SDK1: variants seen among roughly 807,000 people sequenced by gnomAD.
SDK1 encodes protein sidekick-1.
In SDK1, 157 loss-of-function variants were observed where a neutral mutation model predicts 245.5. The ratio of observed to expected loss-of-function variants is 0.64; its 90% CI spans 0.56 to 0.73. SDK1 has a LOEUF of 0.73. SDK1 is among the 30% of genes least tolerant of loss of function. The pLI is 0.00. For missense variants in SDK1, 3,583 were observed against 3,002.3 expected, an observed-to-expected ratio of 1.19 and a Z score of -4.52; for synonymous variants, 1,647 against 1,278.5, an observed-to-expected ratio of 1.29 and a Z score of -6.15.
intron 38 of SDK1, among the ~76,000 whole-genome samples, chr7:4,218,915 T>G (rs1168432824): frequency 2.6e-5 from 4 of 152,200 alleles, no homozygotes; most frequent in African/African-American, 9.6e-5. Flanking sequence ...TGCATCATTT[T>G]CAAACTTGTT....
intron 44 of SDK1, among the ~76,000 whole-genome samples, chr7:4,260,366 C>A (rs1205595274): frequency 7.4e-6 from 1 of 134,448 alleles, no homozygotes; most frequent in Non-Finnish European, 1.6e-5. Flanking sequence ...ATGTGTTCAT[C>A]GTCACCTGAT....
At chr7:3,968,192 A>G (rs894447022) in intron 10 of SDK1, among the ~76,000 whole-genome samples, 4 of 152,202 alleles carry the variant, frequency 2.6e-5, no homozygotes, top group Admixed American at 6.5e-5. Flanking sequence ...TTCCAGGGCC[A>G]CATCGTTCCG....
intron 5 of SDK1, among the ~76,000 whole-genome samples, chr7:3,864,416 T>TC (rs1442071470): frequency 6.6e-6 from 1 of 152,234 alleles, no homozygotes; most frequent in Non-Finnish European, 1.5e-5. Context: ...CAGTAAACTG[T>TC]CCCTTCCCTT....
chr7:3,640,507 G>C (rs1333736555), intron 3 of SDK1, among the ~76,000 whole-genome samples: 1 of 152,206 alleles, frequency 6.6e-6, no homozygotes, highest in Admixed American at 6.5e-5. Context: ...GAATGTTGCA[G>C]AATAATTGAG....
intron 1 of SDK1, among the ~76,000 whole-genome samples, chr7:3,340,998 A>G (rs1780335019): frequency 6.6e-6 from 1 of 152,142 alleles, no homozygotes; most frequent in Non-Finnish European, 1.5e-5. Flanking sequence ...CCTAGAAAAC[A>G]GGAGAGAAGA....
intron 1 of SDK1, among the ~76,000 whole-genome samples, chr7:3,321,777 T>TCTCCCTCC (rs1491552174): frequency 8.6e-4 from 31 of 35,992 alleles, no homozygotes; most frequent in African/African-American, 4.6e-3. Context: ...CTTCCTTCCT[T>TCTCCCTCC]CTCCTTCCTT....
At chr7:3,719,494 A>G (rs569419938) in intron 4 of SDK1, among the ~76,000 whole-genome samples, 1 of 152,312 alleles carries the variant, frequency 6.6e-6, no homozygotes, top group Non-Finnish European at 1.5e-5. Flanking sequence ...GACCCACACG[A>G]ATATGCCCAA....
rs1356920937 is a variant in SDK1 at position 4,145,572 on chromosome 7, A to G, written c.4229-150A>G. 3 of 641,126 alleles carry G rather than the reference A, an allele frequency of 4.7e-6. No homozygotes were observed. In the East Asian group the frequency reaches 9.2e-5, roughly 20 times the overall value. 39.7% of individuals were successfully genotyped at this position (641,126 alleles called of 1,614,324 possible). ...GGCCCCACCATTCATCACAGCCATG[A>G]GACCACCCTTTCAGTGCACAGGCAG... On this transcript the variant is annotated intron_variant, in intron 28 of 44. Transcript: ENST00000404826.
chr7:3,343,173 A>T (rs917506560), intron 1 of SDK1, among the ~76,000 whole-genome samples: 1 of 152,204 alleles, frequency 6.6e-6, no homozygotes, highest in Non-Finnish European at 1.5e-5. Flanking sequence ...TTGGATAGTT[A>T]TCTCAGAGAA....
chr7:3,632,968 C>A (rs7811339), intron 2 of SDK1, among the ~76,000 whole-genome samples: 1 of 151,846 alleles, frequency 6.6e-6, no homozygotes, highest in Non-Finnish European at 1.5e-5. Context: ...AGAAAACTTA[C>A]AAAAATAAAA....
At position 4,193,245 on chromosome 7, in the gene SDK1, AT is replaced by A. The variant is rs1783331413; in HGVS notation, c.5099-12633del. ...TGTATATTAATTGTATAAATATACAATATATTGTAATTAATTGTATTAATTA... is the reference window on the plus strand; with the variant it reads ...TGTATATTAATTGTATAAATATACAAATATTGTAATTAATTGTATTAATTA... On this transcript the variant is annotated intron_variant, in intron 35 of 44. Coordinates refer to ENST00000404826, the MANE Select transcript of SDK1 (RefSeq NM_152744.4). 2.2e-5 allele frequency among the ~76,000 whole-genome samples: 3 copies of A among 133,940 alleles called. No individual in the cohort carries two copies. The Admixed American group carries it at 2.4e-4, about 11-fold the overall frequency. The allele number at this position is 133,940 out of a possible 152,430, so 87.9% of individuals were successfully genotyped here.
At chr7:3,898,351 G>A (rs1324397743) in intron 5 of SDK1, among the ~76,000 whole-genome samples, 3 of 152,162 alleles carry the variant, frequency 2.0e-5, no homozygotes, top group Non-Finnish European at 4.4e-5. Flanking sequence ...CATGGGACAA[G>A]CCTGCTGTCC....
intron 38 of SDK1, among the ~76,000 whole-genome samples, chr7:4,211,740 G>C (rs1246354287): frequency 2.0e-5 from 3 of 152,156 alleles, no homozygotes; most frequent in Non-Finnish European, 4.4e-5. Context: ...CTCCCGAGTA[G>C]CTGGGACTAC....
intron 1 of SDK1, among the ~76,000 whole-genome samples, chr7:3,555,487 G>A (rs557602974): frequency 5.3e-5 from 8 of 152,188 alleles, no homozygotes; most frequent in South Asian, 2.1e-4. Flanking sequence ...AAAACATTGG[G>A]GAAACTCTCC....
intron 1 of SDK1, among the ~76,000 whole-genome samples, chr7:3,334,367 T>G (rs1424548579): frequency 6.6e-6 from 1 of 152,230 alleles, no homozygotes; most frequent in Non-Finnish European, 1.5e-5. Flanking sequence ...GAGCCTACGC[T>G]TGAGAGAAGA....
chr7:3,450,447 A>C (rs748232263), intron 1 of SDK1, among the ~76,000 whole-genome samples: 3 of 152,136 alleles, frequency 2.0e-5, no homozygotes, highest in East Asian at 3.9e-4. Context: ...ATAAAGTGGG[A>C]TGTTTGAGAG....
chr7:3,931,695 A>C (rs903789226), intron 5 of SDK1, among the ~76,000 whole-genome samples: 1 of 152,172 alleles, frequency 6.6e-6, no homozygotes, highest in Non-Finnish European at 1.5e-5. Flanking sequence ...GATTTGAGCT[A>C]TGCTGGTTAC....
At chr7:3,867,841 C>A (rs111270769) in intron 5 of SDK1, among the ~76,000 whole-genome samples, 1 of 152,110 alleles carries the variant, frequency 6.6e-6, no homozygotes, top group African/African-American at 2.4e-5. Flanking sequence ...TGTTTTATTT[C>A]TTCGCTATCA....
chr7:3,729,732 G>T (rs555228440), intron 4 of SDK1, among the ~76,000 whole-genome samples: 1 of 152,144 alleles, frequency 6.6e-6, no homozygotes, highest in Non-Finnish European at 1.5e-5. Context: ...TTCTAGATCA[G>T]TGGTTTCCAT....
Sources: allele counts gnomAD v4.1 joint callset (sites outside exome capture counted in the v4.1 genomes callset), GRCh38; gene constraint gnomAD v4.1.1; transcripts MANE v1.5; gene names NCBI Gene and HGNC (gene_info 2026-07-23, HGNC 2026-07-21).